ATXN2: variants seen among roughly 807,000 people sequenced by gnomAD.
The protein encoded by ATXN2 is ataxin-2.
ATXN2 carries 37 observed loss-of-function variants against 138.6 expected under a neutral mutation model. The observed-to-expected ratio is 0.27, with a 90% confidence interval of 0.21 to 0.35. ATXN2 has a LOEUF of 0.35. Among genes scored for constraint, ATXN2 ranks in the 10% least tolerant of loss-of-function variants. The probability of loss-of-function intolerance (pLI) is 1.00; values close to 1 mark genes in which losing one functional copy is unlikely to be tolerated. For synonymous variants in ATXN2, 549 were observed against 543.7 expected (o/e 1.01, Z -0.13); for missense variants, 1,216 against 1,480.3 (o/e 0.82, Z 2.93).
intron 6 of ATXN2, among the ~76,000 whole-genome samples, chr12:111,524,948 AAAG>A (rs1349364136): frequency 6.6e-6 from 1 of 152,184 alleles, no homozygotes; most frequent in African/African-American, 2.4e-5. Flanking sequence ...TTTTAATCAC[AAAG>A]AAGTAATTCA....
intron 18 of ATXN2, 39 bp from the exon 19 acceptor site, chr12:111,470,781 T>C: frequency 1.2e-6 from 2 of 1,601,598 alleles, no homozygotes; most frequent in South Asian, 1.1e-5. Flanking sequence ...AAACAGTATC[T>C]CCACAGCATA....
At chr12:111,564,618 A>G (rs1271555513) in intron 1 of ATXN2, among the ~76,000 whole-genome samples, 1 of 149,908 alleles carries the variant, frequency 6.7e-6, no homozygotes, top group Non-Finnish European at 1.5e-5. Flanking sequence ...CTGCAACAGC[A>G]ATACAACAAT....
intron 1 of ATXN2, among the ~76,000 whole-genome samples, chr12:111,576,831 T>C (rs146415388): frequency 6.6e-6 from 1 of 150,736 alleles, no homozygotes; most frequent in Non-Finnish European, 1.5e-5. Flanking sequence ...GGTGGCGGGC[T>C]CCTGTAGTCC....
intron 18 of ATXN2, among the ~76,000 whole-genome samples, chr12:111,472,246 G>T (rs563658609): frequency 1.3e-5 from 2 of 152,256 alleles, no homozygotes; most frequent in South Asian, 4.2e-4. Context: ...CAGCCTCGGC[G>T]AAGAAGTGAG....
intron 14 of ATXN2, among the ~76,000 whole-genome samples, chr12:111,505,026 C>A (rs1356318332): frequency 6.6e-6 from 1 of 152,076 alleles, no homozygotes; most frequent in African/African-American, 2.4e-5. Context: ...GTGTTTGAGA[C>A]CAGCCTGGGC....
chr12:111,508,441 CTTTTTTTT>C (rs66643315), intron 14 of ATXN2, among the ~76,000 whole-genome samples: 101 of 85,652 alleles, frequency 1.2e-3, no homozygotes, highest in Admixed American at 2.7e-3. Flanking sequence ...AATTGAAAAA[CTTTTTTTT>C]TTTTTTTTTT....
rs554055458 is a variant in ATXN2 at position 111,518,991 on chromosome 12, C to T, written c.987-564G>A. On this transcript the variant is annotated intron_variant, in intron 8 of 24. Transcript: ENST00000673436. ...ACACGTTTATGAATAAATGAAAGAC[C>T]CACAAGCCCACATATGCAATTAGCT... Among the ~76,000 whole-genome samples the T allele has an allele frequency of 2.0e-5, 3 of 152,110 alleles. No individual in the cohort carries two copies. The South Asian group carries it at 6.2e-4, about 32-fold the overall frequency.
rs1305046176 is a variant in ATXN2 at position 111,470,827 on chromosome 12, G to A, written c.2525-85C>T. 7.0e-6 allele frequency: 10 copies of A among 1,420,006 alleles called. No homozygotes were observed. The East Asian group carries it at 1.5e-4, about 21-fold the overall frequency. 88.0% of individuals were successfully genotyped at this position (1,420,006 alleles called of 1,614,324 possible). A position where few individuals can be genotyped will look rare whatever the true frequency, so the allele number is the denominator to read the frequency against. ...TCACATGGTCTAGGAGGCTCTGAAT[G>A]ATTTGACCCTGAATCTGCGTCTCTG... On this transcript the variant is annotated intron_variant, in intron 18 of 24. Transcript: ENST00000673436.
intron 1 of ATXN2, among the ~76,000 whole-genome samples, chr12:111,585,208 T>C (rs1305531320): frequency 6.6e-6 from 1 of 152,074 alleles, no homozygotes; most frequent in Non-Finnish European, 1.5e-5. Context: ...TATACAGCTA[T>C]AAACTTACAG....
intron 21 of ATXN2, among the ~76,000 whole-genome samples, chr12:111,461,486 C>CAAAT (rs781751809): frequency 4.4e-4 from 61 of 138,532 alleles, no homozygotes; most frequent in Non-Finnish European, 7.8e-4. Context: ...ATAAAATAAA[C>CAAAT]AAATAAATAA....
chr12:111,465,362 A>G (rs1265132385), intron 20 of ATXN2, among the ~76,000 whole-genome samples: 1 of 152,134 alleles, frequency 6.6e-6, no homozygotes, highest in Non-Finnish European at 1.5e-5. Flanking sequence ...AAACAAATCA[A>G]AAAAGGATTC....
intron 18 of ATXN2, among the ~76,000 whole-genome samples, chr12:111,474,995 C>T (rs1330696893): frequency 6.6e-6 from 1 of 151,918 alleles, no homozygotes; most frequent in Non-Finnish European, 1.5e-5. Flanking sequence ...GGGCGGATCA[C>T]GAGGTCAGGA....
At chr12:111,533,147 A>G (rs1364782750) in intron 5 of ATXN2, among the ~76,000 whole-genome samples, 2 of 152,242 alleles carry the variant, frequency 1.3e-5, no homozygotes, top group Non-Finnish European at 2.9e-5. Flanking sequence ...AGGATGCTAC[A>G]ACGCCGTGGA....
chr12:111,463,899 G>A (rs1167914638), intron 21 of ATXN2, among the ~76,000 whole-genome samples: 1 of 152,202 alleles, frequency 6.6e-6, no homozygotes, highest in African/African-American at 2.4e-5. Context: ...CAATTCTCCT[G>A]TCTCAGCCTC....
At chr12:111,464,247 G>GGTGTGTGTGTGTGTGTGT (rs57717176) in intron 21 of ATXN2, among the ~76,000 whole-genome samples, 45 of 134,714 alleles carry the variant, frequency 3.3e-4, no homozygotes, top group African/African-American at 1.3e-3. Context: ...TGTGGCTTGG[G>GGTGTGTGTGTGTGTGTGT]GTGTGTGTGT....
At chr12:111,574,475 T>A (rs997156833) in intron 1 of ATXN2, among the ~76,000 whole-genome samples, 1 of 152,002 alleles carries the variant, frequency 6.6e-6, no homozygotes, top group African/African-American at 2.4e-5. Context: ...TCGCCTGGGA[T>A]GGTATACAGT....
intron 20 of ATXN2, among the ~76,000 whole-genome samples, chr12:111,467,959 T>C (rs953773787): frequency 1.3e-5 from 2 of 152,228 alleles, no homozygotes; most frequent in Non-Finnish European, 2.9e-5. Flanking sequence ...CTCAAAAGCA[T>C]GCATACACAA....
At chr12:111,581,373 G>C (rs899298440) in intron 1 of ATXN2, 16 of 650,866 alleles carry the variant, frequency 2.5e-5, no homozygotes, top group Non-Finnish European at 4.3e-5. Context: ...GTCTTCCCTG[G>C]ACACCATGAA....
intron 18 of ATXN2, among the ~76,000 whole-genome samples, chr12:111,477,455 A>C (rs1420173184): frequency 1.3e-5 from 2 of 152,168 alleles, no homozygotes; most frequent in African/African-American, 4.8e-5. Flanking sequence ...AGACCTTTAC[A>C]TCACACCCTA....
Sources: allele counts gnomAD v4.1 joint callset (sites outside exome capture counted in the v4.1 genomes callset), GRCh38; gene constraint gnomAD v4.1.1; transcripts MANE v1.5; gene names NCBI Gene and HGNC (gene_info 2026-07-23, HGNC 2026-07-21).